The following ANAPC10 variants were observed in gnomAD, a reference collection of about 807,000 sequenced individuals.
The protein encoded by ANAPC10 is anaphase promoting complex subunit 10, also known as anaphase-promoting complex subunit 10.
ANAPC10 carries 12 observed loss-of-function variants against 22.0 expected under a neutral mutation model. The ratio of observed to expected loss-of-function variants is 0.55; its 90% CI spans 0.35 to 0.88. The LOEUF (loss-of-function observed/expected upper bound fraction) is 0.88, where lower values mean the gene tolerates loss of function less well. Among genes scored for constraint, ANAPC10 ranks in the 40% least tolerant of loss-of-function variants. ANAPC10 has a pLI of 0.01. For synonymous variants in ANAPC10, 65 were observed against 69.5 expected, an observed-to-expected ratio of 0.94 and a Z score of 0.32; for missense variants, 188 against 220.9, an observed-to-expected ratio of 0.85 and a Z score of 0.94.
chr4:145,037,842 G>A (rs1176928486), intron 4 of ANAPC10, among the ~76,000 whole-genome samples: 1 of 151,388 alleles, frequency 6.6e-6, no homozygotes, highest in Non-Finnish European at 1.5e-5. Context: ...AGCTACTCAG[G>A]AGGCTGAGGC....
intron 4 of ANAPC10, among the ~76,000 whole-genome samples, chr4:145,025,991 A>G (rs1736602251): frequency 1.3e-5 from 2 of 152,176 alleles, no homozygotes; most frequent in Non-Finnish European, 1.5e-5. Context: ...GTAAAACAAG[A>G]CTAGATGGCA....
intron 4 of ANAPC10, among the ~76,000 whole-genome samples, chr4:145,041,909 A>C (rs1330646877): frequency 3.3e-5 from 5 of 152,198 alleles, no homozygotes; most frequent in Non-Finnish European, 5.9e-5. Context: ...ATATCTTTAT[A>C]AAAAATAGTC....
At chr4:145,096,826 A>C (rs1225005875) in intron 1 of ANAPC10, among the ~76,000 whole-genome samples, 1 of 152,024 alleles carries the variant, frequency 6.6e-6, no homozygotes, top group East Asian at 1.9e-4. Flanking sequence ...CTGGGATTAC[A>C]GGTGTGATCC....
intron 3 of ANAPC10, among the ~76,000 whole-genome samples, chr4:145,069,463 A>C (rs1445578897): frequency 6.6e-6 from 1 of 152,206 alleles, no homozygotes; most frequent in Non-Finnish European, 1.5e-5. Context: ...CTGGGGAAAG[A>C]ACAATTACTG....
At chr4:145,026,688 A>G (rs1049063495) in intron 4 of ANAPC10, among the ~76,000 whole-genome samples, 1 of 151,778 alleles carries the variant, frequency 6.6e-6, no homozygotes, top group Non-Finnish European at 1.5e-5. Context: ...AGACAAAATA[A>G]GACAGAAATT....
intron 2 of ANAPC10, among the ~76,000 whole-genome samples, chr4:145,083,016 AT>A (rs1471368112): frequency 6.6e-6 from 1 of 152,160 alleles, no homozygotes; most frequent in East Asian, 1.9e-4. Context: ...TCATATATGT[AT>A]TCTTTCTATT....
chr4:145,058,896 T>C (rs879074342), intron 4 of ANAPC10, among the ~76,000 whole-genome samples: 1 of 152,124 alleles, frequency 6.6e-6, no homozygotes, highest in Non-Finnish European at 1.5e-5. Context: ...GAAGGTAACA[T>C]TTTTTGGCCT....
chr4:145,098,476 GAAT>G (rs1183990381), upstream of ANAPC10: 1 of 152,458 alleles, frequency 6.6e-6, no homozygotes, highest in Admixed American at 6.5e-5. Flanking sequence ...AGGTTGGAAA[GAAT>G]GTAGGGACGT....
chr4:145,002,915 G>C (rs1339897299), intron 4 of ANAPC10, among the ~76,000 whole-genome samples: 1 of 151,906 alleles, frequency 6.6e-6, no homozygotes, highest in Non-Finnish European at 1.5e-5. Flanking sequence ...TTATTATAAA[G>C]GTAAATTGCA....
At chr4:145,026,930 T>C (rs1485482620) in intron 4 of ANAPC10, among the ~76,000 whole-genome samples, 1 of 21,012 alleles carries the variant, frequency 4.8e-5, no homozygotes, top group Non-Finnish European at 1.0e-4. Context: ...CATATATATA[T>C]ATATATATAT....
chr4:145,022,857 A>G (rs962808010), intron 4 of ANAPC10, among the ~76,000 whole-genome samples: 24 of 151,454 alleles, frequency 1.6e-4, no homozygotes, highest in African/African-American at 5.6e-4. Context: ...TGATTAATAT[A>G]TGAGTCATTC....
chr4:145,076,483 T>C (rs1402615184), intron 3 of ANAPC10, among the ~76,000 whole-genome samples: 1 of 152,190 alleles, frequency 6.6e-6, no homozygotes, highest in Non-Finnish European at 1.5e-5. Flanking sequence ...AGGAACATTT[T>C]CCCACACAGA....
At chr4:145,012,176 G>A (rs73851358) in intron 4 of ANAPC10, among the ~76,000 whole-genome samples, 50,199 of 140,150 alleles carry the variant, frequency 0.36, 9,467 homozygotes, top group African/African-American at 0.48. Flanking sequence ...GTGTGTGTGT[G>A]TATATATATA....
intron 4 of ANAPC10, among the ~76,000 whole-genome samples, chr4:145,004,931 A>G (rs983956803): frequency 1.3e-5 from 2 of 152,112 alleles, no homozygotes; most frequent in Non-Finnish European, 2.9e-5. Context: ...TCTTCCTTAC[A>G]CAACCAGTAG....
chr4:145,061,729 A>G (rs1445279615), intron 4 of ANAPC10, among the ~76,000 whole-genome samples: 1 of 152,228 alleles, frequency 6.6e-6, no homozygotes, highest in African/African-American at 2.4e-5. Flanking sequence ...TTAATAAAAT[A>G]CAATTTAATA....
intron 4 of ANAPC10, 171 bp downstream of exon 4, chr4:145,064,397 TAAAG>T (rs956317507): frequency 1.2e-5 from 5 of 431,558 alleles, no homozygotes; most frequent in Non-Finnish European, 2.0e-5. Context: ...GTGGAAAAAA[TAAAG>T]AGAACAATCA....
chr4:145,094,506 G>A (rs1217676641), intron 2 of ANAPC10, among the ~76,000 whole-genome samples: 1 of 152,196 alleles, frequency 6.6e-6, no homozygotes, highest in African/African-American at 2.4e-5. Flanking sequence ...AGTGCTCATA[G>A]AAAGACAGAG....
intron 4 of ANAPC10, among the ~76,000 whole-genome samples, chr4:145,012,179 TATATATATATATATATACACACACAC>T (rs1187736295): frequency 1.4e-5 from 2 of 142,344 alleles, no homozygotes; most frequent in Admixed American, 1.4e-4. Flanking sequence ...TGTGTGTGTA[TATATATATATATATATACACACACAC>T]ATATATATAC....
At chr4:145,042,899 G>A (rs1163880750) in intron 4 of ANAPC10, among the ~76,000 whole-genome samples, 2 of 150,168 alleles carry the variant, frequency 1.3e-5, no homozygotes, top group East Asian at 1.9e-4. Context: ...TAAAATAACA[G>A]GTAAAGAAAA....
Sources: gnomAD v4.1 joint callset for allele counts (sites outside exome capture counted in the v4.1 genomes callset) on GRCh38, gnomAD v4.1.1 for gene constraint, MANE v1.5 for transcripts, NCBI Gene and HGNC (gene_info 2026-07-23, HGNC 2026-07-21) for gene names.